GPR55: variants seen among roughly 807,000 people sequenced by gnomAD.
GPR55 encodes the protein G-protein coupled receptor 55.
GPR55 carries 6 observed loss-of-function variants against 7.9 expected under a neutral mutation model. That is an observed-to-expected ratio of 0.76 (90% CI 0.41 to 1.49). The LOEUF is 1.49. Ranked by LOEUF, GPR55 falls within the 40% of genes most tolerant of loss-of-function variation. GPR55 has a pLI of 0.01. For missense variants in GPR55, 376 were observed against 406.0 expected, an observed-to-expected ratio of 0.93 and a Z score of 0.63; for synonymous variants, 183 against 166.8, an observed-to-expected ratio of 1.10 and a Z score of -0.75.
At chr2:230,941,845 T>C (rs1198859269) in intron 1 of GPR55, among the ~76,000 whole-genome samples, 1 of 152,198 alleles carries the variant, frequency 6.6e-6, no homozygotes, top group Non-Finnish European at 1.5e-5. Context: ...CAAGTATTTG[T>C]TTGATATCTA....
At chr2:230,922,766 C>T (rs528923200) in intron 1 of GPR55, among the ~76,000 whole-genome samples, 4 of 152,094 alleles carry the variant, frequency 2.6e-5, no homozygotes, top group East Asian at 1.9e-4. Context: ...GTAGATACAG[C>T]GTTTCTCTAT....
chr2:230,942,406 C>T (rs2125066427), intron 1 of GPR55, among the ~76,000 whole-genome samples: 1 of 152,294 alleles, frequency 6.6e-6, no homozygotes, highest in South Asian at 2.1e-4. Context: ...CCCAGACCAA[C>T]CCCACAAGGG....
At position 230,924,707 on chromosome 2, in the gene GPR55, G is replaced by A. The variant is rs1476295731; in HGVS notation, c.-135+461C>T. The A allele has an allele frequency of 1.8e-4, 27 of 152,088 alleles. No individual in the cohort carries two copies. Among genetic ancestry groups the A allele is most frequent in the Non-Finnish European group, 1.3e-4 (9 of 68,040 alleles). The allele number at this position is 152,088 out of a possible 1,614,324, so 9.4% of individuals were successfully genotyped here. On this transcript the variant is annotated intron_variant, in intron 1 of 1. Transcript: ENST00000650999. The surrounding 1 kb of genome is among the most constrained non-coding windows in gnomAD (Gnocchi z 4.5). ...TCCTTCTGGTCCCCAGTAAGCACTT[G>A]CTCAGGGCTGCAGGATGATCCCTGA...
chr2:230,923,307 T>A lies in GPR55; in HGVS notation c.-135+1861A>T, dbSNP rs1195165433. 6.6e-6 allele frequency among the ~76,000 whole-genome samples: 1 copy of A among 152,154 alleles called. No homozygotes were observed. The highest frequency in any genetic ancestry group is 1.5e-5 in the Non-Finnish European group (1 of 68,026). ...TTCCTGCAGCTGCCAGGCTGTTATC[T>A]GCACAGAGCATTGCAGCGTGAGCCA... is the stretch of plus-strand genomic sequence containing the variant. On this transcript the variant is annotated intron_variant, in intron 1 of 1. Transcript: ENST00000650999. This position sits in a 1 kb window ranked among gnomAD's most constrained non-coding sequence, Gnocchi z 4.1.
At chr2:230,912,816 C>T (rs148930569) in intron 1 of GPR55, among the ~76,000 whole-genome samples, 104 of 152,300 alleles carry the variant, frequency 6.8e-4, no homozygotes, top group Admixed American at 2.4e-3. Flanking sequence ...GTATTCCAGG[C>T]GCTCAATAAG....
intron 1 of GPR55, among the ~76,000 whole-genome samples, chr2:230,952,496 G>C (rs1244006024): frequency 6.6e-6 from 1 of 152,144 alleles, no homozygotes; most frequent in Non-Finnish European, 1.5e-5. Context: ...GCCCTCCCAA[G>C]TTTTCTGCAC....
chr2:230,932,722 A>C (rs1291494332), intron 1 of GPR55, among the ~76,000 whole-genome samples: 4 of 152,010 alleles, frequency 2.6e-5, no homozygotes, highest in Non-Finnish European at 5.9e-5. Context: ...CGTCATCCTA[A>C]ACCAGGCCTC....
chr2:230,921,179 G>A (rs1690826879), intron 1 of GPR55, among the ~76,000 whole-genome samples: 1 of 152,086 alleles, frequency 6.6e-6, no homozygotes, highest in Non-Finnish European at 1.5e-5. Flanking sequence ...AGTACATAAT[G>A]GGACCATGCA....
intron 1 of GPR55, among the ~76,000 whole-genome samples, chr2:230,935,712 G>A (rs140094138): frequency 1.4e-4 from 22 of 152,356 alleles, no homozygotes; most frequent in African/African-American, 5.1e-4. Flanking sequence ...ACGGAATACC[G>A]ACACAGGGGA....
In GPR55 at chr2:230,910,283, C is replaced by T; in HGVS notation, c.680G>A (p.Ser227Asn). The change falls in exon 2 of 2, where the codon AGC becomes AAC. Residue 227 changes from serine (S) to asparagine (N), a missense_variant. Ser to Asn is a conservative substitution (Grantham distance 46). Transcript: ENST00000650999. The surrounding 1 kb of genome is among the most constrained non-coding windows in gnomAD (Gnocchi z 5.4). The part of the protein sequence containing the change: ...DWVQQKACIY[S>N]IAASLAVFVV... ...GAAGACAGCCAGGCTGGCTGCGATG[C>T]TGTAGATGCAGGCTTTCTGCTGCAC... The T allele has an allele frequency of 6.2e-7, 1 of 1,613,978 alleles. No homozygotes were observed. The highest frequency in any genetic ancestry group is 8.5e-7 in the Non-Finnish European group (1 of 1,179,974).
chr2:230,940,476 G>A (rs60806073), intron 1 of GPR55, among the ~76,000 whole-genome samples: 16,274 of 152,226 alleles, frequency 0.11, 2,353 homozygotes, highest in African/African-American at 0.33. Context: ...GCAGGAAGGC[G>A]CTTATCAAGA....
chr2:230,949,673 C>T (rs1196890361), intron 1 of GPR55, among the ~76,000 whole-genome samples: 1 of 151,708 alleles, frequency 6.6e-6, no homozygotes, highest in East Asian at 1.9e-4. Flanking sequence ...TCCTTTTCCA[C>T]TGTCTTCCTT....
upstream of GPR55, chr2:230,930,001 C>T (rs1313625030): frequency 6.6e-6 from 1 of 152,314 alleles, no homozygotes; most frequent in African/African-American, 2.4e-5. Context: ...CTGGGCTAAA[C>T]CCTGGCAACA....
At chr2:230,950,444 T>G (rs1288364909) in intron 1 of GPR55, among the ~76,000 whole-genome samples, 2 of 152,194 alleles carry the variant, frequency 1.3e-5, no homozygotes, top group Admixed American at 6.5e-5. Context: ...TCCCCTCTTT[T>G]TTGTTTTTCT....
rs1009364496 is a variant in GPR55 at position 230,944,330 on chromosome 2, C to T, written c.-135+16445G>A. ...GACCCAGAAGCTATGGTCCTGCACA[C>T]GTGAGTCTGTGACCTGACAGCTGTG... On this transcript the variant is annotated intron_variant, in intron 1 of 1. Coordinates refer to the GPR55 transcript ENST00000392039. The surrounding 1 kb of genome is among the most constrained non-coding windows in gnomAD (Gnocchi z 4.2). Among the ~76,000 whole-genome samples, 1 of 152,164 alleles carries T rather than the reference C, an allele frequency of 6.6e-6. No homozygotes were observed. The highest frequency in any genetic ancestry group is 1.5e-5 in the Non-Finnish European group (1 of 68,038).
chr2:230,934,529 C>G (rs1397658053), intron 1 of GPR55, among the ~76,000 whole-genome samples: 1 of 152,202 alleles, frequency 6.6e-6, no homozygotes, highest in East Asian at 1.9e-4. Flanking sequence ...CAGGGACAGC[C>G]AGCCTGACCC....
At position 230,908,868 on chromosome 2, in the gene GPR55, CA is replaced by C. The variant is rs1292147346; in HGVS notation, c.*1134del. On this transcript the variant is annotated 3_prime_UTR_variant, in exon 2 of 2. Coordinates refer to ENST00000650999, the MANE Select transcript of GPR55 (RefSeq NM_005683.4). ...ATTGTTTACAGTTTCCTGGGACCAG[CA>C]GGGACCCCCCCTTGCCTTCTTTCTC... The C allele has an allele frequency of 6.6e-6, 1 of 152,336 alleles. No homozygotes were observed. Among genetic ancestry groups the C allele is most frequent in the Non-Finnish European group, 1.5e-5 (1 of 68,136 alleles). 9.4% of individuals were successfully genotyped at this position (152,336 alleles called of 1,614,324 possible). A position where few individuals can be genotyped will look rare whatever the true frequency, so the allele number is the denominator to read the frequency against.
At position 230,921,209 on chromosome 2, in the gene GPR55, T is replaced by A. The variant is rs562603487; in HGVS notation, c.-135+3959A>T. On this transcript the variant is annotated intron_variant, in intron 1 of 1. Transcript: ENST00000650999. Reference sequence around the variant, plus strand: ...CATGCAGGAAATGCAAAAGAAATTTTAAAAAATGGAAATATAATGTAGCTG... The same window carrying A: ...CATGCAGGAAATGCAAAAGAAATTTAAAAAAATGGAAATATAATGTAGCTG... 1.9e-3 allele frequency among the ~76,000 whole-genome samples: 261 copies of A among 139,616 alleles called. 2 individuals carry two copies. The highest frequency in any genetic ancestry group is 5.4e-3 in the African/African-American group (199 of 36,686). 91.6% of individuals were successfully genotyped at this position (139,616 alleles called of 152,430 possible). A position where few individuals can be genotyped will look rare whatever the true frequency, so the allele number is the denominator to read the frequency against.
chr2:230,911,403 A>G (rs1313247596), intron 1 of GPR55, among the ~76,000 whole-genome samples: 1 of 152,204 alleles, frequency 6.6e-6, no homozygotes, highest in Non-Finnish European at 1.5e-5. Context: ...CAGGGATTCA[A>G]ATGCTGTTTC....
Sources: allele counts gnomAD v4.1 joint callset (sites outside exome capture counted in the v4.1 genomes callset), GRCh38; gene constraint gnomAD v4.1.1; non-coding constraint Gnocchi (gnomAD v3.1); transcripts MANE v1.5; gene names NCBI Gene and HGNC (gene_info 2026-07-23, HGNC 2026-07-21).